PLCB1: variants seen among roughly 807,000 people sequenced by gnomAD.
PLCB1 encodes the protein 1-phosphatidylinositol 4,5-bisphosphate phosphodiesterase beta-1.
Under a neutral mutation model 161.8 loss-of-function variants are expected in PLCB1, and 46 were observed. The observed-to-expected ratio is 0.28, with a 90% CI of 0.22 to 0.36. The LOEUF is 0.36. PLCB1 is among the 10% of genes least tolerant of loss of function. The probability of loss-of-function intolerance (pLI) is 1.00; values close to 1 mark genes in which losing one functional copy is unlikely to be tolerated. For synonymous variants in PLCB1, 517 were observed against 503.7 expected, an observed-to-expected ratio of 1.03 and a Z score of -0.35; for missense variants, 1,016 against 1,472.5, an observed-to-expected ratio of 0.69 and a Z score of 5.07.
chr20:8,403,275 G>A (rs978767222), intron 3 of PLCB1, among the ~76,000 whole-genome samples: 4 of 152,110 alleles, frequency 2.6e-5, no homozygotes, highest in Non-Finnish European at 5.9e-5. Flanking sequence ...AAGGCTTTGA[G>A]GGGCTGAGGA....
chr20:8,532,376 T>A (rs1211951693), intron 3 of PLCB1, among the ~76,000 whole-genome samples: 1 of 152,144 alleles, frequency 6.6e-6, no homozygotes, highest in Non-Finnish European at 1.5e-5. Context: ...GGGGAAGCAA[T>A]CTCTTCCACA....
At chr20:8,191,647 C>T (rs1003674722) in intron 2 of PLCB1, among the ~76,000 whole-genome samples, 4 of 151,932 alleles carry the variant, frequency 2.6e-5, no homozygotes, top group East Asian at 1.9e-4. Flanking sequence ...TTCCAAAATG[C>T]GAACGTGTGA....
chr20:8,487,703 A>G (rs547375553), intron 3 of PLCB1, among the ~76,000 whole-genome samples: 3 of 152,316 alleles, frequency 2.0e-5, no homozygotes, highest in South Asian at 4.1e-4. Flanking sequence ...GAAAAGTTCT[A>G]CAGCTACTCC....
chr20:8,793,655 C>T (rs1477748536), intron 31 of PLCB1, among the ~76,000 whole-genome samples: 2 of 152,132 alleles, frequency 1.3e-5, no homozygotes, highest in Non-Finnish European at 2.9e-5. Flanking sequence ...AATAGAATAT[C>T]ACAAGGCAAG....
At chr20:8,749,731 G>T (rs6108187) in intron 23 of PLCB1, among the ~76,000 whole-genome samples, 14,956 of 152,136 alleles carry the variant, frequency 0.098, 902 homozygotes, top group South Asian at 0.18. Flanking sequence ...TTGATAGCCT[G>T]CTGAGTAACC....
At chr20:8,774,756 G>A in intron 27 of PLCB1, 37 bp downstream of exon 27, 1 of 1,539,186 alleles carries the variant, frequency 6.5e-7, no homozygotes, top group Non-Finnish European at 8.9e-7. Context: ...TTGTGCAACT[G>A]GAACTCCCTT....
intron 2 of PLCB1, among the ~76,000 whole-genome samples, chr20:8,220,126 C>T (rs1279398332): frequency 1.3e-5 from 2 of 152,130 alleles, no homozygotes; most frequent in Non-Finnish European, 2.9e-5. Context: ...TGTCACTTAA[C>T]TGAGTTTTGA....
intron 3 of PLCB1, among the ~76,000 whole-genome samples, chr20:8,380,255 G>C (rs1987217307): frequency 6.6e-6 from 1 of 152,150 alleles, no homozygotes; most frequent in East Asian, 1.9e-4. Context: ...TGTCAGGTTT[G>C]TTGAAGATCA....
chr20:8,858,463 G>A (rs1987140596), intron 31 of PLCB1, among the ~76,000 whole-genome samples: 1 of 152,166 alleles, frequency 6.6e-6, no homozygotes, highest in Non-Finnish European at 1.5e-5. Context: ...GACAGGGATG[G>A]CCCTGGCTAG....
At chr20:8,519,729 C>A (rs1202300351) in intron 3 of PLCB1, among the ~76,000 whole-genome samples, 1 of 152,146 alleles carries the variant, frequency 6.6e-6, no homozygotes, top group African/African-American at 2.4e-5. Context: ...TTTATGTCTT[C>A]CTTCTCTCCC....
chr20:8,144,921 G>T (rs1056137980), intron 1 of PLCB1, among the ~76,000 whole-genome samples: 2 of 152,256 alleles, frequency 1.3e-5, no homozygotes, highest in Non-Finnish European at 2.9e-5. Flanking sequence ...CATGAGAATC[G>T]CTGTGGAGTG....
chr20:8,360,819 T>C (rs538770965), intron 2 of PLCB1, among the ~76,000 whole-genome samples: 55 of 152,290 alleles, frequency 3.6e-4, no homozygotes, highest in Admixed American at 2.1e-3. Context: ...ATAGATTAAC[T>C]CATTACATAT....
At chr20:8,684,900 A>G (rs369881220) in intron 9 of PLCB1, 32 bp from the exon 10 acceptor site, 6 of 1,584,450 alleles carry the variant, frequency 3.8e-6, no homozygotes, top group Non-Finnish European at 5.2e-6. Context: ...AAAAGAATGC[A>G]TTCACATCCT....
At chr20:8,268,261 C>G (rs966869070) in intron 2 of PLCB1, among the ~76,000 whole-genome samples, 1 of 152,068 alleles carries the variant, frequency 6.6e-6, no homozygotes, top group Non-Finnish European at 1.5e-5. Context: ...ATGATGGTTT[C>G]CAGCTTCATC....
intron 3 of PLCB1, among the ~76,000 whole-genome samples, chr20:8,416,431 C>G (rs1470029404): frequency 6.6e-6 from 1 of 151,998 alleles, no homozygotes; most frequent in Non-Finnish European, 1.5e-5. Flanking sequence ...CTAAATAAAA[C>G]AAAATTCTGA....
chr20:8,371,108 T>G, intron 2 of PLCB1: 1 of 371,972 alleles, frequency 2.7e-6, no homozygotes, highest in East Asian at 4.7e-5. Flanking sequence ...GAAGACCTGA[T>G]TCATCATGAT....
Position 8,586,282 on chromosome 20 carries a change from T to G in PLCB1, c.247-42012T>G, listed in dbSNP as rs147906443. ...GACTTATTCCTGTCACAGACCTAAG[T>G]AACTACTAATATTGAGATTTTCTCT... On this transcript the variant is annotated intron_variant, in intron 3 of 31. Coordinates refer to ENST00000338037, the MANE Select transcript of PLCB1 (RefSeq NM_015192.4). Among the ~76,000 whole-genome samples the G allele has an allele frequency of 4.4e-3, 672 of 152,324 alleles. 2 individuals are homozygous for G. The highest frequency in any genetic ancestry group is 0.015 in the African/African-American group (638 of 41,578).
At chr20:8,608,509 A>T (rs1468397066) in intron 3 of PLCB1, among the ~76,000 whole-genome samples, 1 of 152,224 alleles carries the variant, frequency 6.6e-6, no homozygotes, top group Non-Finnish European at 1.5e-5. Context: ...GTAACGTCCC[A>T]TTCCTCACCC....
At chr20:8,564,365 C>T (rs1387952503) in intron 3 of PLCB1, among the ~76,000 whole-genome samples, 1 of 152,108 alleles carries the variant, frequency 6.6e-6, no homozygotes, top group Non-Finnish European at 1.5e-5. Context: ...AATGTAAGCT[C>T]TAAAACCATA....
Sources: gnomAD v4.1 joint callset for allele counts (sites outside exome capture counted in the v4.1 genomes callset) on GRCh38, gnomAD v4.1.1 for gene constraint, MANE v1.5 for transcripts, NCBI Gene and HGNC (gene_info 2026-07-23, HGNC 2026-07-21) for gene names.